The following SMG6 variants were observed in gnomAD, a reference collection of about 807,000 sequenced individuals.
SMG6 encodes SMG6 nonsense mediated mRNA decay factor, also known as telomerase-binding protein EST1A.
Under a neutral mutation model 142.2 loss-of-function variants are expected in SMG6, and 66 were observed. That is an observed-to-expected ratio of 0.46 (90% CI 0.38 to 0.57). The LOEUF (loss-of-function observed/expected upper bound fraction) is 0.57. Ranked by LOEUF, SMG6 falls within the 20% of genes least tolerant of loss-of-function variation. SMG6 has a pLI of 0.00. For synonymous variants in SMG6, 779 were observed against 702.4 expected (o/e 1.11, Z -1.72); for missense variants, 1,793 against 1,832.0 (o/e 0.98, Z 0.39).
chr17:2,091,687 TTGAGA>T (rs1333033339), intron 13 of SMG6, among the ~76,000 whole-genome samples: 5,268 of 150,490 alleles, frequency 0.035, 298 homozygotes, highest in African/African-American at 0.12. Flanking sequence ...TTTTTTTTTT[TTGAGA>T]GAGAGTCTCG....
intron 6 of SMG6, among the ~76,000 whole-genome samples, chr17:2,289,326 C>G (rs995857208): frequency 2.0e-5 from 3 of 151,980 alleles, no homozygotes; most frequent in Non-Finnish European, 2.9e-5. Flanking sequence ...GAGGCCAACG[C>G]AAGAGGATCA....
At chr17:2,205,351 C>T (rs993011101) in intron 10 of SMG6, among the ~76,000 whole-genome samples, 7 of 152,134 alleles carry the variant, frequency 4.6e-5, no homozygotes, top group Non-Finnish European at 2.9e-5. Flanking sequence ...TCCCAAATTG[C>T]TGGGATTACA....
chr17:2,293,706 G>C (rs2075088844), intron 4 of SMG6, among the ~76,000 whole-genome samples: 2 of 152,238 alleles, frequency 1.3e-5, no homozygotes, highest in Admixed American at 6.5e-5. Context: ...CTGGCCTCAA[G>C]TGATCCATGT....
At chr17:2,142,860 C>T (rs113984507) in intron 13 of SMG6, among the ~76,000 whole-genome samples, 6 of 142,090 alleles carry the variant, frequency 4.2e-5, no homozygotes, top group African/African-American at 1.3e-4. Context: ...TGCACTCCAG[C>T]CTGGGCAACA....
At chr17:2,251,571 T>C (rs1225576784) in intron 8 of SMG6, among the ~76,000 whole-genome samples, 1 of 152,202 alleles carries the variant, frequency 6.6e-6, no homozygotes, top group African/African-American at 2.4e-5. Flanking sequence ...TAAAACTACC[T>C]CTTCCAACTA....
At chr17:2,255,087 A>G (rs1051150303) in intron 8 of SMG6, among the ~76,000 whole-genome samples, 1 of 152,078 alleles carries the variant, frequency 6.6e-6, no homozygotes, top group South Asian at 2.1e-4. Flanking sequence ...TGGGCAGGGC[A>G]TGTTGGACAG....
Position 2,302,988 on chromosome 17 carries a change from G to A in SMG6, c.88+645C>T, listed in dbSNP as rs181183280. ...CAACTCTATTGCCTAACGCAGGAGA[G>A]GTGAGACACTTAGAATCTTTCTTAC... On this transcript the variant is annotated intron_variant, in intron 1 of 18. Transcript: ENST00000263073. The A allele has an allele frequency of 2.6e-5, 26 of 985,454 alleles. No homozygotes were observed. The Middle Eastern group carries it at 1.6e-3, about 59-fold the overall frequency. The allele number at this position is 985,454 out of a possible 1,614,324, so 61.0% of individuals were successfully genotyped here. A position where few individuals can be genotyped will look rare whatever the true frequency, so the allele number is the denominator to read the frequency against.
intron 12 of SMG6, 32 bp downstream of exon 12, chr17:2,186,631 G>A: frequency 6.2e-7 from 1 of 1,612,388 alleles, no homozygotes; most frequent in Non-Finnish European, 8.5e-7. Flanking sequence ...GCCCAAGCCA[G>A]TGGTGCTGAA....
At chr17:2,069,790 C>A (rs1237055254) in intron 15 of SMG6, among the ~76,000 whole-genome samples, 1 of 152,218 alleles carries the variant, frequency 6.6e-6, no homozygotes, top group African/African-American at 2.4e-5. Context: ...TGGCCCACCA[C>A]CTTGCCCTTG....
intron 15 of SMG6, among the ~76,000 whole-genome samples, chr17:2,078,026 G>T (rs891043732): frequency 6.6e-6 from 1 of 152,262 alleles, no homozygotes. Context: ...CCAAGCAAAG[G>T]CCTGATGATT....
chr17:2,175,502 C>T (rs2071629998), intron 12 of SMG6, among the ~76,000 whole-genome samples: 1 of 152,068 alleles, frequency 6.6e-6, no homozygotes, highest in African/African-American at 2.4e-5. Flanking sequence ...CATTACCATG[C>T]TCTCCTGTCC....
intron 13 of SMG6, among the ~76,000 whole-genome samples, chr17:2,105,882 G>A (rs1202965917): frequency 1.3e-5 from 2 of 152,204 alleles, no homozygotes; most frequent in Admixed American, 6.5e-5. Flanking sequence ...ACCTCTGAAA[G>A]TTGTCTGCAC....
chr17:2,188,992 A>G (rs1450945812), intron 10 of SMG6, among the ~76,000 whole-genome samples: 1 of 152,170 alleles, frequency 6.6e-6, no homozygotes, highest in Non-Finnish European at 1.5e-5. Flanking sequence ...TCTAAAAATG[A>G]TCTTCTTGAA....
chr17:2,262,209 A>G (rs1281293375), intron 8 of SMG6, among the ~76,000 whole-genome samples: 1 of 152,242 alleles, frequency 6.6e-6, no homozygotes, highest in African/African-American at 2.4e-5. Flanking sequence ...ATTACAACAC[A>G]AAGCATAACT....
At chr17:2,083,394 T>C (rs1304479729) in intron 14 of SMG6, among the ~76,000 whole-genome samples, 1 of 152,166 alleles carries the variant, frequency 6.6e-6, no homozygotes, top group Admixed American at 6.5e-5. Context: ...TAAACTGTGT[T>C]CTATTCACAA....
At chr17:2,288,516 G>A (rs1335210562) in intron 6 of SMG6, among the ~76,000 whole-genome samples, 1 of 151,568 alleles carries the variant, frequency 6.6e-6, no homozygotes, top group African/African-American at 2.4e-5. Context: ...CAGCTACTTG[G>A]GAGGCTGGGG....
intron 13 of SMG6, among the ~76,000 whole-genome samples, chr17:2,169,564 T>C (rs1292645286): frequency 6.6e-6 from 1 of 151,826 alleles, no homozygotes; most frequent in African/African-American, 2.4e-5. Flanking sequence ...GAGTACAGAG[T>C]GTTTCCGGTT....
intron 10 of SMG6, among the ~76,000 whole-genome samples, chr17:2,209,514 C>T (rs2072785655): frequency 6.6e-6 from 1 of 152,146 alleles, no homozygotes; most frequent in African/African-American, 2.4e-5. Flanking sequence ...AGGTGTGTGT[C>T]ACCACGCCCC....
chr17:2,215,829 TTA>T (rs2073001067), intron 10 of SMG6: 1 of 147,382 alleles, frequency 6.8e-6, no homozygotes, highest in South Asian at 2.2e-4. Context: ...AAATGCGACT[TTA>T]AAGCATGAGG....
Sources: gnomAD v4.1 joint callset for allele counts (sites outside exome capture counted in the v4.1 genomes callset) on GRCh38, gnomAD v4.1.1 for gene constraint, MANE v1.5 for transcripts, NCBI Gene and HGNC (gene_info 2026-07-23, HGNC 2026-07-21) for gene names.